FNTA: variants seen among roughly 807,000 people sequenced by gnomAD.
The protein encoded by FNTA is farnesyltransferase, CAAX box, subunit alpha.
Under a neutral mutation model 55.2 loss-of-function variants are expected in FNTA, and 27 were observed. That is an observed-to-expected ratio of 0.49 (90% CI 0.36 to 0.67). The LOEUF (loss-of-function observed/expected upper bound fraction) is 0.67, where lower values mean the gene tolerates loss of function less well. FNTA is among the 30% of genes least tolerant of loss of function. The pLI, the probability that FNTA is intolerant of heterozygous loss-of-function variation, is 0.00. For synonymous variants in FNTA, 176 were observed against 170.7 expected, an observed-to-expected ratio of 1.03 and a Z score of -0.24; for missense variants, 422 against 464.7, an observed-to-expected ratio of 0.91 and a Z score of 0.85.
At chr8:43,083,243 A>G in intron 7 of FNTA, 63 bp downstream of exon 7, 1 of 890,424 alleles carries the variant, frequency 1.1e-6, no homozygotes, top group South Asian at 1.6e-5. Context: ...TGCATCATGG[A>G]GTGTATTCCA....
At chr8:43,060,756 C>T (rs1293603538) in intron 2 of FNTA, among the ~76,000 whole-genome samples, 1 of 151,786 alleles carries the variant, frequency 6.6e-6, no homozygotes, top group Non-Finnish European at 1.5e-5. Flanking sequence ...ATAAGTTTGA[C>T]CTGTCAACCG....
At chr8:43,084,053 C>A (rs987237701) in intron 7 of FNTA, among the ~76,000 whole-genome samples, 1 of 150,490 alleles carries the variant, frequency 6.6e-6, no homozygotes, top group Non-Finnish European at 1.5e-5. Flanking sequence ...GCCTGGGCGA[C>A]AAGAGACCCT....
At chr8:43,069,706 A>G (rs1586657024) in intron 4 of FNTA, 47 bp downstream of exon 4, 1 of 1,163,814 alleles carries the variant, frequency 8.6e-7, no homozygotes, top group Non-Finnish European at 1.3e-6. Flanking sequence ...GTGCAGTGGC[A>G]TGACCTCGGC....
intron 6 of FNTA, chr8:43,078,998 C>G (rs1446491054): frequency 1.3e-5 from 2 of 152,850 alleles, no homozygotes; most frequent in African/African-American, 4.8e-5. Context: ...AGAGGAAGCC[C>G]TAATTCTCTT....
chr8:43,074,897 T>G (rs907792235), intron 5 of FNTA, among the ~76,000 whole-genome samples: 2 of 152,222 alleles, frequency 1.3e-5, no homozygotes, highest in African/African-American at 4.8e-5. Flanking sequence ...CTCCTCCACC[T>G]GTCCCACATA....
chr8:43,072,062 T>A, intron 4 of FNTA, 119 bp from the exon 5 acceptor site: 1 of 674,196 alleles, frequency 1.5e-6, no homozygotes. Context: ...GTGTTAAGAA[T>A]TAGAGATGAA....
intron 2 of FNTA, chr8:43,063,154 C>A: frequency 2.5e-6 from 1 of 393,886 alleles, no homozygotes; most frequent in Non-Finnish European, 5.1e-6. Context: ...GATCATGGCT[C>A]ACTGCAGCCT....
chr8:43,083,713 C>T (rs956178283), intron 7 of FNTA, among the ~76,000 whole-genome samples: 1 of 152,140 alleles, frequency 6.6e-6, no homozygotes, highest in Non-Finnish European at 1.5e-5. Context: ...ACCAGTTACC[C>T]TTGGAGATGT....
intron 6 of FNTA, chr8:43,080,777 C>G (rs140996214): frequency 1.2e-4 from 18 of 152,320 alleles, no homozygotes; most frequent in African/African-American, 3.9e-4. Context: ...TTTGCATCAT[C>G]ACTGGCAGTT....
intron 5 of FNTA, among the ~76,000 whole-genome samples, chr8:43,074,591 AAATG>A (rs1810868052): frequency 6.6e-6 from 1 of 152,186 alleles, no homozygotes; most frequent in Non-Finnish European, 1.5e-5. Context: ...CAGTCAAAAG[AAATG>A]AATGATCCAT....
intron 2 of FNTA, 97 bp downstream of exon 2, chr8:43,059,274 C>A: frequency 1.3e-6 from 1 of 790,560 alleles, no homozygotes; most frequent in Non-Finnish European, 2.0e-6. Flanking sequence ...AAATTTCTGT[C>A]TAATAAAAAT....
chr8:43,067,152 A>G (rs1810680168), intron 3 of FNTA, among the ~76,000 whole-genome samples: 1 of 152,172 alleles, frequency 6.6e-6, no homozygotes, highest in Non-Finnish European at 1.5e-5. Context: ...GAATAAAGCC[A>G]CTTGTCTCCT....
At chr8:43,065,555 A>G (rs1050562959) in intron 3 of FNTA, among the ~76,000 whole-genome samples, 3 of 146,228 alleles carry the variant, frequency 2.1e-5, no homozygotes, top group Admixed American at 1.3e-4. Context: ...CTGCTGACCC[A>G]CATTTAATAG....
intron 4 of FNTA, 37 bp downstream of exon 4, chr8:43,069,696 G>C: frequency 7.5e-7 from 1 of 1,332,768 alleles, no homozygotes. Context: ...CCAGGCTGGA[G>C]TGCAGTGGCA....
Position 43,083,123 on chromosome 8 carries a change from C to A in FNTA, c.788C>A (p.Thr263Asn). ...RAVLEREVQYTLEMIKLVPHN... is the reference protein window; with the variant it reads ...RAVLEREVQYNLEMIKLVPHN... ...TATATATATTTTTCTTGCAGATACA[C>A]TCTGGAAATGATTAAACTAGTACCA... Residue 263 changes from threonine to asparagine, a missense_variant, in exon 7 of 9, where the codon ACT (threonine) becomes AAT (asparagine). This residue lies in a region of FNTA where 262 missense variants were observed against 343.1 expected (regional missense o/e 0.76). Transcript: ENST00000302279. 6.4e-7 allele frequency: 1 copy of A among 1,561,508 alleles called. No individual in the cohort carries two copies. Among genetic ancestry groups the A allele is most frequent in the Non-Finnish European group, 8.7e-7 (1 of 1,144,274 alleles).
In FNTA at chr8:43,084,736, A is replaced by G. The variant is rs765295562; in HGVS notation, c.872A>G (p.Lys291Arg). The G allele has an allele frequency of 5.0e-6, 8 of 1,610,268 alleles. No homozygotes were observed. The highest frequency in any genetic ancestry group is 1.3e-5 in the African/African-American group (1 of 74,766). ...KGILQDRGLS[K>R]YPNLLNQLLD... The stretch of plus-strand genomic sequence containing the variant: ...ATTTTGCAGGATCGTGGTCTTTCCA[A>G]ATATCCTAATCTGTTAAATCAATTA... Residue 291 changes from lysine to arginine, a missense_variant, in exon 8 of 9, where the codon AAA becomes AGA. By Grantham distance (26) the Lys-to-Arg change is conservative (BLOSUM62 2). Coordinates refer to ENST00000302279, the MANE Select transcript of FNTA (RefSeq NM_002027.3).
At chr8:43,072,035 CT>C (rs1233942846) in intron 4 of FNTA, 145 bp from the exon 5 acceptor site, 6 of 496,440 alleles carry the variant, frequency 1.2e-5, no homozygotes, top group Admixed American at 3.4e-5. Flanking sequence ...TTTGTGTTAC[CT>C]TTTCTCCACA....
In FNTA at chr8:43,061,799, G is replaced by A. The variant is rs138186391; in HGVS notation, c.287-2302G>A. ...CAATGGCATGATCTTGGCTCACCGC[G>A]ACCTCCGCCTCCCGGGTTCAAGTGA... On this transcript the variant is annotated intron_variant, in intron 2 of 8. Transcript: ENST00000302279. Among the ~76,000 whole-genome samples, 352 of 151,512 alleles carry A rather than the reference G, an allele frequency of 2.3e-3. 5 individuals are homozygous for A. Among genetic ancestry groups the A allele is most frequent in the African/African-American group, 8.1e-3 (334 of 41,286 alleles).
intron 3 of FNTA, 74 bp downstream of exon 3, chr8:43,064,289 A>G (rs1423696488): frequency 1.1e-6 from 1 of 951,470 alleles, no homozygotes; most frequent in African/African-American, 1.7e-5. Flanking sequence ...TTTAAACTGT[A>G]CTTTAATTTT....
Sources: gnomAD v4.1 joint callset for allele counts (sites outside exome capture counted in the v4.1 genomes callset) on GRCh38, gnomAD v4.1.1 for gene constraint, gnomAD v4.1.1 regional missense constraint, MANE v1.5 for transcripts, NCBI Gene and HGNC (gene_info 2026-07-23, HGNC 2026-07-21) for gene names.